The following BAAT variants were observed in gnomAD, a reference collection of about 807,000 sequenced individuals.
BAAT encodes the protein bile acid CoA: amino acid N-acyltransferase (glycine N-choloyltransferase).
Under a neutral mutation model 18.9 loss-of-function variants are expected in BAAT, and 13 were observed. That is an observed-to-expected ratio of 0.69 (90% CI 0.45 to 1.10). The LOEUF (loss-of-function observed/expected upper bound fraction) is 1.10. BAAT is among the 50% of genes least tolerant of loss of function. The pLI, the probability that BAAT is intolerant of heterozygous loss-of-function variation, is 0.00. For synonymous variants in BAAT, 170 were observed against 190.7 expected (o/e 0.89, Z 0.89); for missense variants, 489 against 504.0 (o/e 0.97, Z 0.28).
Position 101,362,182 on chromosome 9 carries a change from GAAAGA to G in BAAT, c.*241_*245del, listed in dbSNP as rs1442333438. ...TCAGTCCTATTTAGAAGACCTGATGGAAAGAAAAGTCATGTAAATAATAAGTAAAA... is the reference window on the plus strand; with the variant it reads ...TCAGTCCTATTTAGAAGACCTGATGGAAAGTCATGTAAATAATAAGTAAAA... On this transcript the variant is annotated 3_prime_UTR_variant, in exon 4 of 4. Coordinates refer to ENST00000259407, the MANE Select transcript of BAAT (RefSeq NM_001701.4). The G allele has an allele frequency of 1.7e-6, 1 of 590,054 alleles. No homozygotes were observed. Among genetic ancestry groups the G allele is most frequent in the Non-Finnish European group, 3.0e-6 (1 of 335,500 alleles). The allele number at this position is 590,054 out of a possible 1,614,324, so 36.6% of individuals were successfully genotyped here.
At chr9:101,380,365 C>G (rs1466952303) in intron 1 of BAAT, among the ~76,000 whole-genome samples, 5 of 152,188 alleles carry the variant, frequency 3.3e-5, no homozygotes, top group Admixed American at 2.0e-4. Context: ...TGTCTCACAG[C>G]TGCCTGAGAC....
Position 101,363,031 on chromosome 9 carries a change from G to A in BAAT, c.670-16C>T. 6.2e-7 allele frequency: 1 copy of A among 1,603,170 alleles called. No homozygotes were observed. Among genetic ancestry groups the A allele is most frequent in the Non-Finnish European group, 8.5e-7 (1 of 1,172,176 alleles). ...AGCCAAAGACCTGAAAAAAATAATA[G>A]AAATGAGAAATTATTCTAGCCTTCA... On this transcript the variant is annotated splice_polypyrimidine_tract_variant and intron_variant, in intron 3 of 3. Transcript: ENST00000259407.
intron 2 of BAAT, among the ~76,000 whole-genome samples, chr9:101,368,950 G>A (rs563654355): frequency 2.0e-5 from 3 of 152,236 alleles, no homozygotes; most frequent in African/African-American, 7.2e-5. Context: ...ACATTCATTT[G>A]ACTATACAGT....
intron 1 of BAAT, chr9:101,383,598 C>G (rs928419811): frequency 6.6e-6 from 1 of 152,160 alleles, no homozygotes; most frequent in Non-Finnish European, 1.5e-5. Flanking sequence ...AACTTAAGTG[C>G]TAGGTCACCA....
chr9:101,370,403 C>T (rs1023823005), intron 2 of BAAT, among the ~76,000 whole-genome samples: 1 of 145,886 alleles, frequency 6.9e-6, no homozygotes, highest in African/African-American at 2.5e-5. Context: ...GCCTCAATCT[C>T]CGAGGCTCAA....
At position 101,370,891 on chromosome 9, in the gene BAAT, T is replaced by C. The variant is rs1178757401; in HGVS notation, c.466+48A>G. ...CTAAATTTCTAGACGGATAATGTAT[T>C]TAAAGTGGAAAAACAAGAATAACAA... On this transcript the variant is annotated intron_variant, in intron 2 of 3. Coordinates refer to ENST00000259407, the MANE Select transcript of BAAT (RefSeq NM_001701.4). 1.9e-6 allele frequency: 3 copies of C among 1,583,522 alleles called. No individual in the cohort carries two copies. In the Admixed American group the frequency reaches 5.0e-5, roughly 26 times the overall value.
rs1033537965 is a variant in BAAT, at chr9:101,372,302, A to C, written c.-59-839T>G. On this transcript the variant is annotated intron_variant, in intron 1 of 3. Transcript: ENST00000259407. ...GATCCTAAAATGAAAGTTAAAAAAAAAAAAAACCCAGAAGGATCTTCTCAA... is the reference window on the plus strand; with the variant it reads ...GATCCTAAAATGAAAGTTAAAAAAACAAAAAACCCAGAAGGATCTTCTCAA... Among the ~76,000 whole-genome samples the C allele has an allele frequency of 1.9e-3, 289 of 152,150 alleles. 1 individual carries two copies. Among genetic ancestry groups the C allele is most frequent in the African/African-American group, 6.5e-3 (272 of 41,542 alleles).
chr9:101,381,521 G>A (rs1264831030), intron 1 of BAAT, among the ~76,000 whole-genome samples: 1 of 152,072 alleles, frequency 6.6e-6, no homozygotes, highest in Non-Finnish European at 1.5e-5. Context: ...GGGTGAAAGA[G>A]CTGAAATCCT....
chr9:101,376,009 G>A (rs1344902457), intron 1 of BAAT: 1 of 153,362 alleles, frequency 6.5e-6, no homozygotes, highest in Non-Finnish European at 1.5e-5. Context: ...TCCAGCAGTT[G>A]CTGTTGTGTT....
At chr9:101,368,081 AC>A in intron 3 of BAAT, 38 bp downstream of exon 3, 2 of 1,581,940 alleles carry the variant, frequency 1.3e-6, no homozygotes, top group Non-Finnish European at 1.7e-6. Flanking sequence ...AAACAAAAAA[AC>A]CCCAGGGACT....
At chr9:101,382,185 G>A (rs1753549059) in intron 1 of BAAT, among the ~76,000 whole-genome samples, 1 of 152,106 alleles carries the variant, frequency 6.6e-6, no homozygotes, top group Non-Finnish European at 1.5e-5. Flanking sequence ...ATAACAATTG[G>A]TCACAGCCAG....
At chr9:101,370,433 C>T (rs1829915592) in intron 2 of BAAT, among the ~76,000 whole-genome samples, 1 of 151,232 alleles carries the variant, frequency 6.6e-6, no homozygotes, top group Admixed American at 6.6e-5. Context: ...CCTCCTCAGC[C>T]CCTGCTGAGT....
At chr9:101,382,126 A>G (rs1023729803) in intron 1 of BAAT, among the ~76,000 whole-genome samples, 1 of 152,174 alleles carries the variant, frequency 6.6e-6, no homozygotes, top group Non-Finnish European at 1.5e-5. Flanking sequence ...GCCCCCACCC[A>G]CCAGAATGTC....
chr9:101,368,230 C>T lies in BAAT; in HGVS notation c.559G>A (p.Ala187Thr), dbSNP rs754845084. Residue 187 changes from alanine to threonine, a missense_variant, in exon 3 of 4, where the codon GCC becomes ACC. Physicochemically the swap from Ala to Thr is moderately conservative, Grantham distance 58. Coordinates refer to ENST00000259407, the MANE Select transcript of BAAT (RefSeq NM_001701.4). The stretch of plus-strand genomic sequence containing the variant: ...TTATGGTAAGCCAAGGCCAAGGAGG[C>T]GAAGCCACGACTGGCTAGGAGGCTG... ...RASLLASRGF[A>T]SLALAYHNYE... The T allele has an allele frequency of 3.7e-6, 6 of 1,613,568 alleles. No individual in the cohort carries two copies. The highest frequency in any genetic ancestry group is 1.3e-5 in the African/African-American group (1 of 74,902).
chr9:101,366,688 C>T (rs937427179), intron 3 of BAAT, among the ~76,000 whole-genome samples: 4 of 152,056 alleles, frequency 2.6e-5, no homozygotes, highest in African/African-American at 9.7e-5. Flanking sequence ...ACTGACATTT[C>T]GAGGGCAGTT....
At chr9:101,379,355 G>A (rs1158401655) in intron 1 of BAAT, among the ~76,000 whole-genome samples, 3 of 152,168 alleles carry the variant, frequency 2.0e-5, no homozygotes, top group African/African-American at 4.8e-5. Context: ...ATCTTTAGAA[G>A]AATTCACCCA....
chr9:101,366,201 G>A (rs1451054862), intron 3 of BAAT, among the ~76,000 whole-genome samples: 1 of 151,936 alleles, frequency 6.6e-6, no homozygotes, highest in Non-Finnish European at 1.5e-5. Flanking sequence ...TGGGAACTCA[G>A]AGTGGATTTG....
At chr9:101,373,637 A>G (rs888700874) in intron 1 of BAAT, among the ~76,000 whole-genome samples, 1 of 152,244 alleles carries the variant, frequency 6.6e-6, no homozygotes, top group African/African-American at 2.4e-5. Context: ...ACCTACTTGG[A>G]TGTTTTTAAC....
chr9:101,374,172 CA>C (rs1830001673), intron 1 of BAAT, among the ~76,000 whole-genome samples: 1 of 152,084 alleles, frequency 6.6e-6, no homozygotes, highest in Non-Finnish European at 1.5e-5. Flanking sequence ...ACACTAAATC[CA>C]AACAGTACAC....
Sources: gnomAD v4.1 joint callset for allele counts (sites outside exome capture counted in the v4.1 genomes callset) on GRCh38, gnomAD v4.1.1 for gene constraint, MANE v1.5 for transcripts, NCBI Gene and HGNC (gene_info 2026-07-23, HGNC 2026-07-21) for gene names.